The following PACRG variants were observed in gnomAD, a reference collection of about 807,000 sequenced individuals.
The protein encoded by PACRG is parkin coregulated gene protein.
PACRG carries 29 observed loss-of-function variants against 29.7 expected under a neutral mutation model. The ratio of observed to expected loss-of-function variants is 0.98; its 90% CI spans 0.73 to 1.33. The LOEUF (loss-of-function observed/expected upper bound fraction) is 1.33, where lower values mean the gene tolerates loss of function less well. PACRG is among the 40% of genes most tolerant of loss of function. The pLI is 0.00. For missense variants in PACRG, 279 were observed against 316.2 expected (o/e 0.88, Z 0.89); for synonymous variants, 116 against 118.7 (o/e 0.98, Z 0.15).
chr6:163,239,776 C>CTA lies in PACRG; in HGVS notation c.614-75051_614-75050insTA, dbSNP rs756394572. ...TGCACACACACTCACACCTCCACCC[C>CTA]CACACACACACACACTCACACATTC... On this transcript the variant is annotated intron_variant, in intron 4 of 4. Transcript: ENST00000366888. 4.1e-5 allele frequency among the ~76,000 whole-genome samples: 6 copies of CTA among 145,052 alleles called. No homozygotes were observed. The East Asian group carries it at 1.0e-3, about 25-fold the overall frequency.
At chr6:163,016,824 A>G (rs1304998106) in intron 2 of PACRG, among the ~76,000 whole-genome samples, 1 of 152,036 alleles carries the variant, frequency 6.6e-6, no homozygotes, top group African/African-American at 2.4e-5. Context: ...ATATTATTAT[A>G]AATTGTAATA....
At chr6:162,881,962 G>C (rs967354304) in intron 2 of PACRG, among the ~76,000 whole-genome samples, 1 of 34,896 alleles carries the variant, frequency 2.9e-5, no homozygotes, top group Non-Finnish European at 5.5e-5. Flanking sequence ...AGAGATGGGT[G>C]GGGGGGGGCA....
intron 4 of PACRG, among the ~76,000 whole-genome samples, chr6:163,238,551 T>G (rs962250962): frequency 6.6e-6 from 1 of 152,212 alleles, no homozygotes; most frequent in Non-Finnish European, 1.5e-5. Context: ...GATTTGACAT[T>G]GGCATAGATT....
At chr6:162,989,912 C>G (rs1803284385) in intron 2 of PACRG, among the ~76,000 whole-genome samples, 1 of 152,058 alleles carries the variant, frequency 6.6e-6, no homozygotes, top group South Asian at 2.1e-4. Context: ...CCACAGTCCC[C>G]AGAGTGTGAT....
intron 2 of PACRG, among the ~76,000 whole-genome samples, chr6:162,912,425 G>C (rs1361493215): frequency 6.6e-6 from 1 of 152,148 alleles, no homozygotes; most frequent in Non-Finnish European, 1.5e-5. Context: ...CCCAGAAGCA[G>C]TGCACAAGTA....
intron 2 of PACRG, among the ~76,000 whole-genome samples, chr6:162,905,945 T>G (rs768549542): frequency 2.0e-5 from 3 of 152,200 alleles, no homozygotes; most frequent in Non-Finnish European, 4.4e-5. Context: ...ACGAGGACTA[T>G]AGGAAGAAAA....
rs376804950 is a variant in PACRG, at chr6:163,025,423, GC to G, written c.292-36726del. On this transcript the variant is annotated intron_variant, in intron 2 of 4. Transcript: ENST00000366888. Reference sequence around the variant, plus strand: ...CAAACCCAATGTACAAAAATCAGTAGCATTTCTATACGCCAGCAACACGCAG... The same window carrying G: ...CAAACCCAATGTACAAAAATCAGTAGATTTCTATACGCCAGCAACACGCAG... Among the ~76,000 whole-genome samples, 413 of 152,236 alleles carry G rather than the reference GC, an allele frequency of 2.7e-3. 3 individuals are homozygous for G. The highest frequency in any genetic ancestry group is 9.6e-3 in the African/African-American group (397 of 41,530).
intron 4 of PACRG, among the ~76,000 whole-genome samples, chr6:163,213,413 A>G (rs1044291751): frequency 1.3e-5 from 2 of 152,202 alleles, no homozygotes; most frequent in Admixed American, 1.3e-4. Flanking sequence ...GCTATTAAGG[A>G]TGTTATTGGG....
chr6:162,797,332 T>G (rs1315837671), intron 1 of PACRG, among the ~76,000 whole-genome samples: 2 of 152,194 alleles, frequency 1.3e-5, no homozygotes, highest in Admixed American at 6.5e-5. Context: ...GTAGATTTTA[T>G]ACCTAAAGGG....
intron 2 of PACRG, among the ~76,000 whole-genome samples, chr6:162,900,158 C>T (rs766339272): frequency 6.6e-6 from 1 of 152,020 alleles, no homozygotes. Context: ...AGAACTGATG[C>T]GCTGGTATCC....
intron 4 of PACRG, among the ~76,000 whole-genome samples, chr6:163,093,497 A>T (rs1164849922): frequency 1.3e-5 from 2 of 152,250 alleles, no homozygotes; most frequent in Non-Finnish European, 2.9e-5. Context: ...TACCAAATTA[A>T]TGATGCAGAG....
At chr6:163,152,789 C>T (rs370588844) in intron 4 of PACRG, among the ~76,000 whole-genome samples, 1 of 152,198 alleles carries the variant, frequency 6.6e-6, no homozygotes, top group Admixed American at 6.5e-5. Flanking sequence ...GAAAAATCTT[C>T]GTTTTATATG....
chr6:163,277,612 TA>T (rs1287450892), intron 4 of PACRG, among the ~76,000 whole-genome samples: 1 of 146,700 alleles, frequency 6.8e-6, no homozygotes, highest in Non-Finnish European at 1.5e-5. Context: ...ACTTTGTCTA[TA>T]TATGTATACA....
intron 2 of PACRG, among the ~76,000 whole-genome samples, chr6:163,045,558 C>T (rs1809252312): frequency 6.6e-6 from 1 of 150,988 alleles, no homozygotes; most frequent in African/African-American, 2.4e-5. Context: ...CTCCTGACCT[C>T]TTGATCCACC....
chr6:162,854,392 G>C (rs866526838), intron 2 of PACRG, among the ~76,000 whole-genome samples: 1 of 152,074 alleles, frequency 6.6e-6, no homozygotes, highest in Non-Finnish European at 1.5e-5. Flanking sequence ...CTGTGTGTTT[G>C]TTTAACCAGT....
At chr6:162,795,656 A>G (rs1785317672) in intron 1 of PACRG, among the ~76,000 whole-genome samples, 1 of 152,190 alleles carries the variant, frequency 6.6e-6, no homozygotes, top group Admixed American at 6.5e-5. Flanking sequence ...TTGCGATAGT[A>G]TTATGTTTAT....
chr6:162,759,832 C>T (rs929575004), intron 1 of PACRG, among the ~76,000 whole-genome samples: 5 of 151,972 alleles, frequency 3.3e-5, no homozygotes, highest in Admixed American at 6.6e-5. Context: ...TCTAAAAGTC[C>T]GATATTAGGA....
intron 4 of PACRG, among the ~76,000 whole-genome samples, chr6:163,146,588 T>C (rs928208222): frequency 6.6e-6 from 1 of 152,242 alleles, no homozygotes; most frequent in Admixed American, 6.5e-5. Flanking sequence ...TTAAATGGCC[T>C]TCTCTTCTTG....
chr6:163,009,473 T>C (rs1465446523), intron 2 of PACRG, among the ~76,000 whole-genome samples: 1 of 152,224 alleles, frequency 6.6e-6, no homozygotes, highest in Non-Finnish European at 1.5e-5. Context: ...ACATGGTTCA[T>C]TACACTTAAT....
Sources: allele counts gnomAD v4.1 joint callset (sites outside exome capture counted in the v4.1 genomes callset), GRCh38; gene constraint gnomAD v4.1.1; transcripts MANE v1.5; gene names NCBI Gene and HGNC (gene_info 2026-07-23, HGNC 2026-07-21).